Variants in DLC1 observed in about 807,000 individuals in gnomAD.
DLC1 encodes the protein DLC1 Rho GTPase activating protein, also known as rho GTPase-activating protein 7.
DLC1 carries 54 observed loss-of-function variants against 140.3 expected under a neutral mutation model. That is an observed-to-expected ratio of 0.38 (90% CI 0.31 to 0.48). The LOEUF is 0.48. Ranked by LOEUF, DLC1 falls within the 20% of genes least tolerant of loss-of-function variation. The pLI, the probability that DLC1 is intolerant of heterozygous loss-of-function variation, is 0.96. For missense variants in DLC1, 2,536 were observed against 1,907.0 expected, an observed-to-expected ratio of 1.33 and a Z score of -6.14; for synonymous variants, 986 against 728.1, an observed-to-expected ratio of 1.35 and a Z score of -5.70.
intron 5 of DLC1, among the ~76,000 whole-genome samples, chr8:13,118,733 T>C (rs1299778944): frequency 6.6e-6 from 1 of 152,198 alleles, no homozygotes. Context: ...AATGAACCTA[T>C]ATCTACATGC....
chr8:13,570,160 C>G (rs1424980634), intron 1 of DLC1, among the ~76,000 whole-genome samples: 2 of 152,226 alleles, frequency 1.3e-5, no homozygotes, highest in African/African-American at 4.8e-5. Context: ...GGTTCTTTAA[C>G]ATCTGGCCCA....
chr8:13,146,021 G>A (rs898489743), intron 5 of DLC1, among the ~76,000 whole-genome samples: 4 of 152,114 alleles, frequency 2.6e-5, no homozygotes, highest in Admixed American at 2.6e-4. Flanking sequence ...GCTCATACCT[G>A]TAATCCCAGC....
intron 5 of DLC1, among the ~76,000 whole-genome samples, chr8:13,128,677 C>T (rs752447785): frequency 6.6e-6 from 1 of 151,788 alleles, no homozygotes; most frequent in Non-Finnish European, 1.5e-5. Context: ...CTAAAAATAC[C>T]AAAAAATTAG....
intron 5 of DLC1, among the ~76,000 whole-genome samples, chr8:13,162,279 G>C (rs1316870102): frequency 1.3e-5 from 2 of 151,804 alleles, no homozygotes; most frequent in African/African-American, 4.8e-5. Flanking sequence ...AGCAGTTGTT[G>C]TCTTGGCAAC....
chr8:13,132,309 C>G (rs768550301), intron 5 of DLC1, among the ~76,000 whole-genome samples: 102 of 151,586 alleles, frequency 6.7e-4, no homozygotes, highest in Non-Finnish European at 1.2e-3. Context: ...CTCCAGGTAC[C>G]TGCGGCCACC....
At chr8:13,365,266 G>A (rs999941717) in intron 4 of DLC1, among the ~76,000 whole-genome samples, 5 of 152,102 alleles carry the variant, frequency 3.3e-5, no homozygotes, top group East Asian at 1.9e-4. Context: ...TAGAACAAAA[G>A]CATGCTAGGC....
intron 4 of DLC1, among the ~76,000 whole-genome samples, chr8:13,321,543 G>GAAAAAA (rs869200841): frequency 9.5e-5 from 1 of 10,472 alleles, no homozygotes; most frequent in Non-Finnish European, 2.5e-4. Context: ...TCTCAAAAAA[G>GAAAAAA]AAAAAAAAAA....
chr8:13,308,406 G>A (rs564369439), intron 4 of DLC1, among the ~76,000 whole-genome samples: 1 of 152,282 alleles, frequency 6.6e-6, no homozygotes, highest in Non-Finnish European at 1.5e-5. Flanking sequence ...ACCACATAGT[G>A]ATAACAGGTG....
At chr8:13,292,300 A>G (rs1431353843) in intron 5 of DLC1, among the ~76,000 whole-genome samples, 1 of 152,142 alleles carries the variant, frequency 6.6e-6, no homozygotes, top group African/African-American at 2.4e-5. Context: ...ATGAGCGGTC[A>G]CTGCTCTGTT....
intron 5 of DLC1, among the ~76,000 whole-genome samples, chr8:13,177,678 T>C (rs919251456): frequency 9.9e-5 from 15 of 152,224 alleles, no homozygotes; most frequent in Non-Finnish European, 1.8e-4. Context: ...AAAATGCCTA[T>C]ATTTCTATTC....
chr8:13,273,983 CT>C (rs895958076), intron 5 of DLC1, among the ~76,000 whole-genome samples: 18 of 152,094 alleles, frequency 1.2e-4, no homozygotes, highest in African/African-American at 4.3e-4. Flanking sequence ...TTAAAAAACA[CT>C]TTTTACCTGT....
chr8:13,297,004 A>G (rs190352479), intron 5 of DLC1, among the ~76,000 whole-genome samples: 99 of 152,212 alleles, frequency 6.5e-4, no homozygotes, highest in African/African-American at 2.2e-3. Context: ...AATAGCAAAA[A>G]TACCAACAGA....
chr8:13,380,575 GA>G (rs1836206615), intron 4 of DLC1, among the ~76,000 whole-genome samples: 1 of 152,118 alleles, frequency 6.6e-6, no homozygotes, highest in Non-Finnish European at 1.5e-5. Context: ...TAGTATTAAT[GA>G]ATGACAAAAA....
At chr8:13,354,894 G>A (rs1271459843) in intron 4 of DLC1, among the ~76,000 whole-genome samples, 1 of 149,976 alleles carries the variant, frequency 6.7e-6, no homozygotes, top group Non-Finnish European at 1.5e-5. Context: ...TATTGAGGCT[G>A]CAGCGGGCCG....
At chr8:13,227,648 G>A (rs898997433) in intron 5 of DLC1, among the ~76,000 whole-genome samples, 8 of 152,164 alleles carry the variant, frequency 5.3e-5, no homozygotes, top group Non-Finnish European at 8.8e-5. Flanking sequence ...CTGTGTGACC[G>A]TAGACCCTAT....
At chr8:13,446,788 A>G (rs1798793294) in intron 2 of DLC1, among the ~76,000 whole-genome samples, 1 of 152,162 alleles carries the variant, frequency 6.6e-6, no homozygotes, top group Non-Finnish European at 1.5e-5. Flanking sequence ...TAAAAATACA[A>G]AACATTAGCC....
chr8:13,598,831 C>G (rs1474264639), intron 1 of DLC1, among the ~76,000 whole-genome samples: 2 of 151,848 alleles, frequency 1.3e-5, no homozygotes, highest in South Asian at 2.1e-4. Context: ...CATGAATGAA[C>G]TAAAATTCTG....
rs1825412270 is a variant in DLC1, at chr8:13,170,703, C to A, written c.1349-55046G>T. Among the ~76,000 whole-genome samples, 3 of 141,540 alleles carry A rather than the reference C, an allele frequency of 2.1e-5. No homozygotes were observed. In the South Asian group the frequency reaches 6.6e-4, roughly 31 times the overall value. 92.9% of individuals were successfully genotyped at this position (141,540 alleles called of 152,430 possible). A position where few individuals can be genotyped will look rare whatever the true frequency, so the allele number is the denominator to read the frequency against. The stretch of plus-strand genomic sequence containing the variant: ...CGAGATCGCGCCACTGCACTCCAGC[C>A]TGGGCGACAGAGCAAGACTCCATCT... On this transcript the variant is annotated intron_variant, in intron 5 of 17. Transcript: ENST00000276297.
chr8:13,270,062 A>T, intron 5 of DLC1, among the ~76,000 whole-genome samples: 1 of 151,972 alleles, frequency 6.6e-6, no homozygotes, highest in Non-Finnish European at 1.5e-5. Flanking sequence ...GTCTCAAAAA[A>T]AAAAAAAAAA....
Sources: gnomAD v4.1 joint callset for allele counts (sites outside exome capture counted in the v4.1 genomes callset) on GRCh38, gnomAD v4.1.1 for gene constraint, MANE v1.5 for transcripts, NCBI Gene and HGNC (gene_info 2026-07-23, HGNC 2026-07-21) for gene names.